ANGPT1: variants seen among roughly 807,000 people sequenced by gnomAD.
ANGPT1 encodes angiopoietin-1.
Under a neutral mutation model 62.2 loss-of-function variants are expected in ANGPT1, and 17 were observed. The ratio of observed to expected loss-of-function variants is 0.27; its 90% CI spans 0.19 to 0.41. ANGPT1 has a LOEUF of 0.41. Among genes scored for constraint, ANGPT1 ranks in the 10% least tolerant of loss-of-function variants. The probability of loss-of-function intolerance (pLI) is 1.00; values close to 1 mark genes in which losing one functional copy is unlikely to be tolerated. For missense variants in ANGPT1, 478 were observed against 594.9 expected, an observed-to-expected ratio of 0.80 and a Z score of 2.04; for synonymous variants, 199 against 198.9, an observed-to-expected ratio of 1.00 and a Z score of 0.00.
intron 1 of ANGPT1, among the ~76,000 whole-genome samples, chr8:107,369,570 A>C (rs1325889829): frequency 6.6e-6 from 1 of 152,128 alleles, no homozygotes; most frequent in African/African-American, 2.4e-5. Flanking sequence ...TGCCTTCTTC[A>C]CTATGCTTAA....
chr8:107,442,177 T>C (rs1251048861), intron 1 of ANGPT1, among the ~76,000 whole-genome samples: 2 of 152,202 alleles, frequency 1.3e-5, no homozygotes, highest in Non-Finnish European at 2.9e-5. Context: ...TTTAAACATT[T>C]GCATGTTTCA....
rs41364248 is a variant in ANGPT1 at position 107,250,154 on chromosome 8, A to G, written c.*1701T>C. The G allele has an allele frequency of 0.056, 8,475 of 152,272 alleles. 309 individuals are homozygous for G. The highest frequency in any genetic ancestry group is 0.1 in the African/African-American group (4,179 of 41,564). 9.4% of individuals were successfully genotyped at this position (152,272 alleles called of 1,614,324 possible). On this transcript the variant is annotated 3_prime_UTR_variant, in exon 9 of 9. Transcript: ENST00000517746. The stretch of plus-strand genomic sequence containing the variant: ...CACCAAGTTTGAAACTGGTATTGCT[A>G]CCTTGCCAACAACTGTCTCTTTTAT...
chr8:107,281,684 G>A (rs923005544), intron 7 of ANGPT1, among the ~76,000 whole-genome samples: 5 of 152,048 alleles, frequency 3.3e-5, no homozygotes, highest in African/African-American at 1.2e-4. Context: ...AGGCTGAGGC[G>A]GGAGAATTGC....
At chr8:107,284,957 T>C in intron 6 of ANGPT1, 109 bp from the exon 7 acceptor site, 3 of 928,346 alleles carry the variant, frequency 3.2e-6, no homozygotes, top group Non-Finnish European at 4.3e-6. Context: ...AAAGTAAAGG[T>C]TTTTGTTTTT....
At chr8:107,313,449 T>TTG (rs1814931162) in intron 4 of ANGPT1, among the ~76,000 whole-genome samples, 2 of 133,332 alleles carry the variant, frequency 1.5e-5, no homozygotes, top group East Asian at 4.3e-4. Context: ...TTTTTTTTTT[T>TTG]TTTTTTTTGA....
rs1440863845 is a variant in ANGPT1 at position 107,284,854 on chromosome 8, A to G, written c.1039-6T>C. 2 of 1,593,024 alleles carry G rather than the reference A, an allele frequency of 1.3e-6. No homozygotes were observed. The highest frequency in any genetic ancestry group is 3.4e-5 in the Admixed American group (2 of 59,510). ...CCGGAGGGATTTCCAAAACCCTGGG[A>G]AACAATATAGAGATGCAGTTGTTAC... On this transcript the variant is annotated splice_region_variant and splice_polypyrimidine_tract_variant and intron_variant, in intron 6 of 8. Coordinates refer to ENST00000517746, the MANE Select transcript of ANGPT1 (RefSeq NM_001146.5).
chr8:107,418,011 A>G (rs900551413), intron 1 of ANGPT1, among the ~76,000 whole-genome samples: 1 of 152,188 alleles, frequency 6.6e-6, no homozygotes, highest in African/African-American at 2.4e-5. Context: ...ATCTTCTGGT[A>G]ACATGTTGTG....
At chr8:107,262,001 C>A (rs923603952) in intron 8 of ANGPT1, among the ~76,000 whole-genome samples, 1 of 151,988 alleles carries the variant, frequency 6.6e-6, no homozygotes, top group Non-Finnish European at 1.5e-5. Flanking sequence ...TCGAGACCAG[C>A]CTGGTTGACA....
intron 7 of ANGPT1, among the ~76,000 whole-genome samples, chr8:107,268,106 C>G (rs1023076030): frequency 4.6e-5 from 7 of 152,056 alleles, no homozygotes; most frequent in Non-Finnish European, 1.0e-4. Flanking sequence ...TAGACTATGT[C>G]TTACTCATCT....
intron 1 of ANGPT1, among the ~76,000 whole-genome samples, chr8:107,457,467 C>T (rs1444280860): frequency 6.6e-6 from 1 of 151,890 alleles, no homozygotes; most frequent in Non-Finnish European, 1.5e-5. Flanking sequence ...TATCAGTTAA[C>T]TTAGCTTTCC....
intron 7 of ANGPT1, among the ~76,000 whole-genome samples, chr8:107,270,463 G>A (rs1813710886): frequency 6.6e-6 from 1 of 151,970 alleles, no homozygotes; most frequent in Admixed American, 6.6e-5. Flanking sequence ...TTCAGAGGCT[G>A]GTAGCAATGG....
chr8:107,327,677 A>T (rs1405539223), intron 3 of ANGPT1, among the ~76,000 whole-genome samples: 5 of 152,124 alleles, frequency 3.3e-5, no homozygotes, highest in African/African-American at 1.2e-4. Context: ...TTGAGCTAGA[A>T]ATCCAAGGAG....
intron 1 of ANGPT1, among the ~76,000 whole-genome samples, chr8:107,374,229 A>G (rs936607114): frequency 6.6e-6 from 1 of 152,212 alleles, no homozygotes; most frequent in Non-Finnish European, 1.5e-5. Context: ...GTAAGAAAAC[A>G]GGAGACCAGA....
chr8:107,428,809 C>A (rs1017682880), intron 1 of ANGPT1, among the ~76,000 whole-genome samples: 1 of 152,138 alleles, frequency 6.6e-6, no homozygotes, highest in African/African-American at 2.4e-5. Flanking sequence ...ATTCTCTAAC[C>A]AAATTGGCAA....
chr8:107,290,567 G>C (rs537812690), intron 6 of ANGPT1, among the ~76,000 whole-genome samples: 2 of 152,180 alleles, frequency 1.3e-5, no homozygotes, highest in East Asian at 3.9e-4. Context: ...AAACTCTAGA[G>C]AAAGAACCGA....
intron 1 of ANGPT1, among the ~76,000 whole-genome samples, chr8:107,370,361 A>AAAAAAAGAAAGG (rs1816371722): frequency 9.7e-5 from 3 of 30,862 alleles, no homozygotes; most frequent in African/African-American, 1.7e-4. Flanking sequence ...AGAAAGAAAG[A>AAAAAAAGAAAGG]AAGAAAGAAA....
At chr8:107,341,186 G>C (rs1259636074) in intron 2 of ANGPT1, among the ~76,000 whole-genome samples, 1 of 152,142 alleles carries the variant, frequency 6.6e-6, no homozygotes, top group Non-Finnish European at 1.5e-5. Context: ...AGATCCAATA[G>C]GAAGTGACCA....
chr8:107,342,107 T>C (rs1306964508), intron 2 of ANGPT1, among the ~76,000 whole-genome samples: 1 of 152,156 alleles, frequency 6.6e-6, no homozygotes, highest in Non-Finnish European at 1.5e-5. Context: ...ATTCACTCAG[T>C]GTTCTTAGTT....
At chr8:107,374,251 C>A (rs1816481310) in intron 1 of ANGPT1, among the ~76,000 whole-genome samples, 1 of 152,026 alleles carries the variant, frequency 6.6e-6, no homozygotes, top group Admixed American at 6.6e-5. Flanking sequence ...GAGCCAACTG[C>A]AATAGACTGT....
Sources: gnomAD v4.1 joint callset for allele counts (sites outside exome capture counted in the v4.1 genomes callset) on GRCh38, gnomAD v4.1.1 for gene constraint, MANE v1.5 for transcripts, NCBI Gene and HGNC (gene_info 2026-07-23, HGNC 2026-07-21) for gene names.